TTLL7: variants seen among roughly 807,000 people sequenced by gnomAD.
The protein encoded by TTLL7 is tubulin polyglutamylase TTLL7.
Under a neutral mutation model 120.2 loss-of-function variants are expected in TTLL7, and 53 were observed. That is an observed-to-expected ratio of 0.44 (90% CI 0.35 to 0.55). The LOEUF (loss-of-function observed/expected upper bound fraction) is 0.55, where lower values mean the gene tolerates loss of function less well. Ranked by LOEUF, TTLL7 falls within the 20% of genes least tolerant of loss-of-function variation. The pLI is 0.00. For synonymous variants in TTLL7, 353 were observed against 351.7 expected, an observed-to-expected ratio of 1.00 and a Z score of -0.04; for missense variants, 803 against 1,054.7, an observed-to-expected ratio of 0.76 and a Z score of 3.31.
intron 14 of TTLL7, 38 bp from the exon 15 acceptor site, chr1:83,911,401 T>C (rs749155189): frequency 1.2e-5 from 18 of 1,501,698 alleles, no homozygotes; most frequent in Admixed American, 1.9e-5. Context: ...GTTAGAATTC[T>C]TAAAAAAGGT....
At position 83,890,439 on chromosome 1, in the gene TTLL7, G is replaced by A. The variant is rs372539532; in HGVS notation, c.2251C>T (p.Arg751Cys). 3.8e-5 allele frequency: 61 copies of A among 1,612,328 alleles called. No homozygotes were observed. Among genetic ancestry groups the A allele is most frequent in the African/African-American group, 3.6e-4 (27 of 74,798 alleles). The change falls in exon 19 of 21, where the codon CGC (arginine) becomes TGC (cysteine). Residue 751 changes from arginine (R) to cysteine (C), a missense_variant. Coordinates refer to ENST00000260505, the MANE Select transcript of TTLL7 (RefSeq NM_024686.6). ...VKTSIRTVLPRIWKVPDVEEV... is the reference protein window; with the variant it reads ...VKTSIRTVLPCIWKVPDVEEV... Reference sequence around the variant, plus strand: ...TCAACATCAGGCACCTTCCAGATGCGTGGAAGAACTGTACGAATACTTGTT... The same window carrying A: ...TCAACATCAGGCACCTTCCAGATGCATGGAAGAACTGTACGAATACTTGTT...
intron 1 of TTLL7, among the ~76,000 whole-genome samples, chr1:83,966,974 A>C (rs1329693274): frequency 6.6e-6 from 1 of 152,162 alleles, no homozygotes; most frequent in Non-Finnish European, 1.5e-5. Flanking sequence ...GATTCAGAGG[A>C]GTCTGTCTTC....
intron 1 of TTLL7, among the ~76,000 whole-genome samples, chr1:83,960,771 G>A (rs1405371704): frequency 6.6e-6 from 1 of 152,078 alleles, no homozygotes; most frequent in Non-Finnish European, 1.5e-5. Context: ...AGGACAATAG[G>A]TTTCAAAATG....
intron 3 of TTLL7, 124 bp downstream of exon 3, chr1:83,951,721 A>C: frequency 9.7e-7 from 1 of 1,034,138 alleles, no homozygotes; most frequent in Non-Finnish European, 1.4e-6. Context: ...ATTTTATAGA[A>C]GGCATTTAAA....
intron 14 of TTLL7, among the ~76,000 whole-genome samples, chr1:83,914,368 T>C (rs1399014211): frequency 7.1e-6 from 1 of 139,934 alleles, no homozygotes; most frequent in Non-Finnish European, 1.5e-5. Context: ...AGTCTTGCTC[T>C]GTCGCCAAGC....
At chr1:83,938,872 CTTCA>C (rs1647667727) in intron 7 of TTLL7, among the ~76,000 whole-genome samples, 2 of 152,090 alleles carry the variant, frequency 1.3e-5, no homozygotes, top group South Asian at 4.1e-4. Flanking sequence ...TTAAAATATA[CTTCA>C]TTCACATTAT....
At chr1:83,878,691 T>G (rs961489109) in intron 20 of TTLL7, among the ~76,000 whole-genome samples, 4 of 151,998 alleles carry the variant, frequency 2.6e-5, no homozygotes, top group Admixed American at 1.3e-4. Flanking sequence ...AAAGCAGAAG[T>G]GCTAACTTGG....
At chr1:83,926,578 GA>G (rs1170633966) in intron 10 of TTLL7, among the ~76,000 whole-genome samples, 1 of 152,170 alleles carries the variant, frequency 6.6e-6, no homozygotes, top group Non-Finnish European at 1.5e-5. Flanking sequence ...GAGTGTAAGA[GA>G]AATCATAAGA....
chr1:83,938,118 G>A, intron 7 of TTLL7, 102 bp from the exon 8 acceptor site: 1 of 1,000,324 alleles, frequency 1.0e-6, no homozygotes, highest in Admixed American at 2.2e-5. Context: ...AAGTTTTAAA[G>A]TTTAAACTAC....
intron 8 of TTLL7, 78 bp downstream of exon 8, chr1:83,937,774 T>G: frequency 6.5e-7 from 1 of 1,547,404 alleles, no homozygotes; most frequent in Non-Finnish European, 8.9e-7. Flanking sequence ...CAACTCTTAA[T>G]GAACTTTCAT....
At chr1:83,998,269 G>A (rs1460259275) in intron 1 of TTLL7, among the ~76,000 whole-genome samples, 1 of 152,170 alleles carries the variant, frequency 6.6e-6, no homozygotes, top group Non-Finnish European at 1.5e-5. Context: ...ATAAAAGTAA[G>A]TGCCTAGGCT....
intron 18 of TTLL7, among the ~76,000 whole-genome samples, chr1:83,897,319 T>C (rs563276617): frequency 6.6e-6 from 1 of 152,070 alleles, no homozygotes; most frequent in Admixed American, 6.6e-5. Flanking sequence ...GCCTGGGGCA[T>C]GGTAGTCCCT....
intron 10 of TTLL7, among the ~76,000 whole-genome samples, chr1:83,928,199 A>C (rs1659297854): frequency 1.3e-5 from 2 of 152,198 alleles, no homozygotes; most frequent in African/African-American, 4.8e-5. Flanking sequence ...AATAATAGTA[A>C]ACTTTCATGC....
At chr1:83,892,603 CATAT>C (rs1287864077) in intron 18 of TTLL7, among the ~76,000 whole-genome samples, 1 of 133,274 alleles carries the variant, frequency 7.5e-6, no homozygotes, top group African/African-American at 2.8e-5. Flanking sequence ...TATGAATGAA[CATAT>C]ATATGAACAT....
At chr1:83,882,877 A>C in intron 20 of TTLL7, 86 bp downstream of exon 20, 2 of 1,477,734 alleles carry the variant, frequency 1.4e-6, no homozygotes, top group Non-Finnish European at 1.8e-6. Context: ...CTAGTCACAT[A>C]AACAAAAAAA....
chr1:83,922,816 A>G (rs1658797313), intron 10 of TTLL7, among the ~76,000 whole-genome samples: 1 of 150,874 alleles, frequency 6.6e-6, no homozygotes, highest in African/African-American at 2.5e-5. Flanking sequence ...ACAGTGGCTT[A>G]GAAGTAGATG....
intron 19 of TTLL7, chr1:83,887,268 T>C (rs1323186665): frequency 8.1e-7 from 1 of 1,234,136 alleles, no homozygotes; most frequent in Non-Finnish European, 1.0e-6. Context: ...TATATTTTTC[T>C]AAGATTTTAC....
intron 8 of TTLL7, among the ~76,000 whole-genome samples, chr1:83,934,913 G>A (rs1254243125): frequency 5.3e-5 from 8 of 152,116 alleles, no homozygotes; most frequent in Admixed American, 1.3e-4. Flanking sequence ...AGAGCCCAGA[G>A]TACTATTATT....
intron 9 of TTLL7, 61 bp downstream of exon 9, chr1:83,933,547 G>C: frequency 6.6e-7 from 1 of 1,525,346 alleles, no homozygotes; most frequent in Non-Finnish European, 8.9e-7. Flanking sequence ...CATTTTTAAA[G>C]CATTTATTTT....
Sources: allele counts gnomAD v4.1 joint callset (sites outside exome capture counted in the v4.1 genomes callset), GRCh38; gene constraint gnomAD v4.1.1; transcripts MANE v1.5; gene names NCBI Gene and HGNC (gene_info 2026-07-23, HGNC 2026-07-21).